Variants in SCMH1 observed in about 807,000 individuals in gnomAD.
SCMH1 encodes the protein Scm polycomb group protein homolog 1, also known as polycomb protein SCMH1.
SCMH1 carries 37 observed loss-of-function variants against 70.8 expected under a neutral mutation model. The observed-to-expected ratio is 0.52, with a 90% confidence interval of 0.40 to 0.69. The LOEUF is 0.69. Ranked by LOEUF, SCMH1 falls within the 30% of genes least tolerant of loss-of-function variation. SCMH1 has a pLI of 0.00. For missense variants in SCMH1, 607 were observed against 827.3 expected, an observed-to-expected ratio of 0.73 and a Z score of 3.27; for synonymous variants, 292 against 307.4, an observed-to-expected ratio of 0.95 and a Z score of 0.52.
chr1:41,048,871 C>T (rs1647151750), exon 11 of SCMH1: 1 of 1,613,792 alleles, frequency 6.2e-7, no homozygotes, highest in East Asian at 2.2e-5. Context: ...TGCTGCCATT[C>T]TTGTTCAAGT....
chr1:41,108,474 A>G (rs1022528111), intron 8 of SCMH1, among the ~76,000 whole-genome samples: 2 of 152,220 alleles, frequency 1.3e-5, no homozygotes, highest in African/African-American at 4.8e-5. Context: ...TTTGCTTTTT[A>G]CATTTAAAAA....
chr1:41,138,416 A>C lies in SCMH1; in HGVS notation c.412+4462T>G, dbSNP rs771005734. Among the ~76,000 whole-genome samples, 98 of 152,352 alleles carry C rather than the reference A, an allele frequency of 6.4e-4. 1 individual carries two copies. Among genetic ancestry groups the C allele is most frequent in the African/African-American group, 2.2e-3 (93 of 41,586 alleles). ...GGTTTTCAGTTATACATACATATAC[A>C]TATCGTGTACATATACATATTGGAT... On this transcript the variant is annotated intron_variant, in intron 6 of 14. Coordinates refer to ENST00000337495, the Ensembl canonical transcript of SCMH1.
At chr1:41,167,728 G>A (rs1376905285) in intron 2 of SCMH1, among the ~76,000 whole-genome samples, 3 of 152,044 alleles carry the variant, frequency 2.0e-5, no homozygotes, top group African/African-American at 7.2e-5. Context: ...CTCTTTCAGT[G>A]AGTTTTATAC....
intron 6 of SCMH1, among the ~76,000 whole-genome samples, chr1:41,141,828 GACAGAGAC>G (rs1013907567): frequency 2.7e-5 from 4 of 149,046 alleles, no homozygotes; most frequent in East Asian, 2.1e-4. Flanking sequence ...GAGAGAGACA[GACAGAGAC>G]AGACAATCCA....
At chr1:41,231,832 C>A (rs1171312853) in intron 1 of SCMH1, among the ~76,000 whole-genome samples, 1 of 151,862 alleles carries the variant, frequency 6.6e-6, no homozygotes, top group Non-Finnish European at 1.5e-5. Flanking sequence ...AACAGCCCGG[C>A]CAACATAGCG....
At chr1:41,054,114 G>A (rs1398075923) in intron 10 of SCMH1, among the ~76,000 whole-genome samples, 1 of 152,138 alleles carries the variant, frequency 6.6e-6, no homozygotes, top group Non-Finnish European at 1.5e-5. Flanking sequence ...AAAGTGCTGG[G>A]ATTACAGGTG....
At chr1:41,228,997 A>C (rs1660800258) in intron 1 of SCMH1, among the ~76,000 whole-genome samples, 1 of 152,156 alleles carries the variant, frequency 6.6e-6, no homozygotes, top group Non-Finnish European at 1.5e-5. Flanking sequence ...GGAGTTCGAA[A>C]CCAGCCTGAC....
chr1:41,179,065 C>T (rs982593299), intron 2 of SCMH1, among the ~76,000 whole-genome samples: 1 of 152,220 alleles, frequency 6.6e-6, no homozygotes, highest in African/African-American at 2.4e-5. Flanking sequence ...CAAACAAGAA[C>T]TCAGGATTAA....
intron 6 of SCMH1, among the ~76,000 whole-genome samples, chr1:41,139,596 A>T (rs1643869181): frequency 6.6e-6 from 1 of 152,196 alleles, no homozygotes; most frequent in Non-Finnish European, 1.5e-5. Flanking sequence ...TAGTGCAAGA[A>T]TAACACACTA....
chr1:41,232,382 A>G (rs1166626325), intron 1 of SCMH1, among the ~76,000 whole-genome samples: 1 of 152,224 alleles, frequency 6.6e-6, no homozygotes, highest in African/African-American at 2.4e-5. Context: ...CATTCTTCTA[A>G]CCAGGGATCT....
intron 12 of SCMH1, among the ~76,000 whole-genome samples, chr1:41,046,106 C>T (rs930997392): frequency 1.3e-5 from 2 of 152,178 alleles, no homozygotes; most frequent in African/African-American, 4.8e-5. Context: ...TCTGTGACTT[C>T]TTGGTGGCTC....
At chr1:41,100,807 G>A (rs900457584) in intron 8 of SCMH1, among the ~76,000 whole-genome samples, 2 of 151,970 alleles carry the variant, frequency 1.3e-5, no homozygotes, top group East Asian at 1.9e-4. Flanking sequence ...CCCGTGATCC[G>A]CCTGCCTTGG....
chr1:41,173,092 T>A (rs1646892223), intron 2 of SCMH1, among the ~76,000 whole-genome samples: 1 of 151,908 alleles, frequency 6.6e-6, no homozygotes, highest in Non-Finnish European at 1.5e-5. Flanking sequence ...CAATTAGACA[T>A]CACGAGATTA....
At chr1:41,070,545 A>G (rs1012892165) in intron 10 of SCMH1, 50 bp downstream of exon 10, 1 of 1,602,880 alleles carries the variant, frequency 6.2e-7, no homozygotes, top group African/African-American at 1.3e-5. Context: ...AGAAAGTGCA[A>G]ACACTAGGTC....
chr1:41,137,838 T>C (rs1643605839), intron 6 of SCMH1, among the ~76,000 whole-genome samples: 1 of 152,248 alleles, frequency 6.6e-6, no homozygotes, highest in Non-Finnish European at 1.5e-5. Flanking sequence ...TTATGTTTGC[T>C]ACTCATATAA....
chr1:41,097,921 A>G (rs1250580882), intron 8 of SCMH1, among the ~76,000 whole-genome samples: 2 of 152,136 alleles, frequency 1.3e-5, no homozygotes, highest in Non-Finnish European at 2.9e-5. Context: ...GTCTGATTTC[A>G]GTTTCTTGAC....
At chr1:41,198,071 G>A (rs977017154) in intron 1 of SCMH1, among the ~76,000 whole-genome samples, 8 of 152,164 alleles carry the variant, frequency 5.3e-5, no homozygotes, top group Middle Eastern at 3.2e-3. Context: ...GGAAGTAATA[G>A]TGCCTACCCC....
chr1:41,091,772 T>C (rs1290214359), intron 8 of SCMH1, among the ~76,000 whole-genome samples: 1 of 152,162 alleles, frequency 6.6e-6, no homozygotes, highest in East Asian at 1.9e-4. Flanking sequence ...CCAATCACAA[T>C]TGCTTCAAAG....
intron 8 of SCMH1, among the ~76,000 whole-genome samples, chr1:41,085,766 T>C (rs987118172): frequency 2.6e-5 from 4 of 152,098 alleles, no homozygotes; most frequent in African/African-American, 9.7e-5. Flanking sequence ...ATGTCTTATA[T>C]TGGTTACATA....
Sources: gnomAD v4.1 joint callset for allele counts (sites outside exome capture counted in the v4.1 genomes callset) on GRCh38, gnomAD v4.1.1 for gene constraint, MANE v1.5 for transcripts, NCBI Gene and HGNC (gene_info 2026-07-23, HGNC 2026-07-21) for gene names.